Variants in PCID2 observed in about 807,000 individuals in gnomAD.
PCID2 encodes the protein PCI domain containing 2.
Under a neutral mutation model 61.3 loss-of-function variants are expected in PCID2, and 41 were observed. The ratio of observed to expected loss-of-function variants is 0.67; its 90% CI spans 0.52 to 0.87. The LOEUF is 0.87. Among genes scored for constraint, PCID2 ranks in the 40% least tolerant of loss-of-function variants. PCID2 has a pLI of 0.00. For missense variants in PCID2, 392 were observed against 493.4 expected, an observed-to-expected ratio of 0.79 and a Z score of 1.95; for synonymous variants, 187 against 177.8, an observed-to-expected ratio of 1.05 and a Z score of -0.41.
the PCID2 span, chr13:113,165,081 T>C: frequency 6.2e-7 from 1 of 1,613,056 alleles, no homozygotes; most frequent in Non-Finnish European, 8.5e-7. Flanking sequence ...TGCTGACCTC[T>C]GAGAAGCGTG....
chr13:113,174,124 GCTA>G (rs1209923775), downstream of PCID2, among the ~76,000 whole-genome samples: 2 of 151,608 alleles, frequency 1.3e-5, no homozygotes, highest in African/African-American at 4.9e-5. Context: ...TGTAATCCCA[GCTA>G]CTGAGGAGGC....
At chr13:113,174,347 T>C, downstream of PCID2, among the ~76,000 whole-genome samples, 1 of 152,052 alleles carries the variant, frequency 6.6e-6, no homozygotes, top group East Asian at 1.9e-4. Context: ...CAGAGAAAGC[T>C]ACAGGCCCAG....
intron 13 of PCID2, 186 bp from the exon 14 acceptor site, chr13:113,178,473 C>T: frequency 1.9e-6 from 1 of 517,498 alleles, no homozygotes; most frequent in Non-Finnish European, 3.5e-6. Context: ...GTTTCATATC[C>T]ATGAATCTAA....
chr13:113,174,253 C>G (rs868011425), downstream of PCID2, among the ~76,000 whole-genome samples: 5 of 148,680 alleles, frequency 3.4e-5, no homozygotes, highest in South Asian at 1.1e-3. Flanking sequence ...AAAAAAAAAA[C>G]CTACTTCAAA....
At chr13:113,191,379 A>G (rs989613365) in intron 6 of PCID2, among the ~76,000 whole-genome samples, 1 of 152,154 alleles carries the variant, frequency 6.6e-6, no homozygotes, top group African/African-American at 2.4e-5. Flanking sequence ...ATTAAGACTC[A>G]AAGTCCCGAA....
At chr13:113,185,626 A>G in intron 7 of PCID2, 66 bp from the exon 8 acceptor site, 2 of 1,000,648 alleles carry the variant, frequency 2.0e-6, no homozygotes, top group East Asian at 5.2e-5. Context: ...ATCACAAAAT[A>G]AACTGCCTAA....
At chr13:113,175,268 T>C (rs1306148726), downstream of PCID2, among the ~76,000 whole-genome samples, 3 of 152,116 alleles carry the variant, frequency 2.0e-5, no homozygotes, top group African/African-American at 7.2e-5. Context: ...TACACTGAGG[T>C]TGTTTCTTTC....
At chr13:113,195,747 C>T (rs1433356635) in intron 5 of PCID2, among the ~76,000 whole-genome samples, 2 of 151,912 alleles carry the variant, frequency 1.3e-5, no homozygotes, top group South Asian at 2.1e-4. Context: ...TCAGTATTAA[C>T]CTATAGTTTG....
intron 10 of PCID2, 60 bp downstream of exon 10, chr13:113,181,070 A>G (rs2037592425): frequency 8.9e-7 from 1 of 1,127,768 alleles, no homozygotes; most frequent in Non-Finnish European, 1.4e-6. Flanking sequence ...AAAAAAACCT[A>G]TCAGCTGTCA....
At chr13:113,171,941 G>A in the PCID2 span, 1 of 1,613,622 alleles carries the variant, frequency 6.2e-7, no homozygotes, top group Non-Finnish European at 8.5e-7. The surrounding 1 kb of genome is among the most constrained non-coding windows in gnomAD (Gnocchi z 5.1). Flanking sequence ...AAGCAGCGTG[G>A]CGGCCATGCA....
chr13:113,191,648 G>A (rs1413101626), intron 6 of PCID2, among the ~76,000 whole-genome samples: 3 of 152,030 alleles, frequency 2.0e-5, no homozygotes, highest in Non-Finnish European at 4.4e-5. Flanking sequence ...CTTTTCCCTC[G>A]CATTTGGGAG....
the PCID2 span, among the ~76,000 whole-genome samples, chr13:113,167,482 T>A: frequency 6.6e-6 from 1 of 152,242 alleles, no homozygotes; most frequent in South Asian, 2.1e-4. Flanking sequence ...GCACATGCTT[T>A]ATTTCATTTA....
At chr13:113,173,698 G>A (rs959932605), downstream of PCID2, among the ~76,000 whole-genome samples, 1 of 152,164 alleles carries the variant, frequency 6.6e-6, no homozygotes, top group Non-Finnish European at 1.5e-5. Flanking sequence ...CAAATTAATG[G>A]GGAGGGCAGT....
chr13:113,165,139 C>T, the PCID2 span: 4 of 1,604,538 alleles, frequency 2.5e-6, no homozygotes, highest in Non-Finnish European at 3.4e-6. Flanking sequence ...GCGCTCTCCG[C>T]GTGCTTCAAT....
At chr13:113,190,755 A>T in intron 7 of PCID2, 117 bp downstream of exon 7, 1 of 523,224 alleles carries the variant, frequency 1.9e-6, no homozygotes, top group Non-Finnish European at 3.4e-6. Context: ...TTGTGGGATT[A>T]TAGCATGTGT....
At position 113,185,393 on chromosome 13, in the gene PCID2, G is replaced by A. The variant is rs530255612; in HGVS notation, c.543+92C>T. The A allele has an allele frequency of 9.5e-4, 840 of 880,972 alleles. 7 individuals are homozygous for A. The highest frequency in any genetic ancestry group is 1.8e-3 in the Middle Eastern group (8 of 4,544). 54.6% of individuals were successfully genotyped at this position (880,972 alleles called of 1,614,324 possible). ...CGGTTATGATCATTTCACAAGCAAC[G>A]CCAGGGAGGCTAGCTGATATATATA... On this transcript the variant is annotated intron_variant, in intron 8 of 13. Transcript: ENST00000337344.
intron 6 of PCID2, 63 bp from the exon 7 acceptor site, chr13:113,191,038 G>T: frequency 8.3e-7 from 1 of 1,209,798 alleles, no homozygotes; most frequent in Non-Finnish European, 1.2e-6. Flanking sequence ...TGTCGTCCAG[G>T]CTGGACTGCA....
downstream of PCID2, among the ~76,000 whole-genome samples, chr13:113,173,866 A>T (rs2037151806): frequency 1.3e-5 from 2 of 152,216 alleles, no homozygotes; most frequent in Non-Finnish European, 2.9e-5. Context: ...ATGCTGCAGA[A>T]ATGTCTGCAA....
intron 13 of PCID2, 131 bp from the exon 14 acceptor site, chr13:113,178,418 C>T: frequency 1.6e-6 from 1 of 611,368 alleles, no homozygotes; most frequent in Non-Finnish European, 2.9e-6. Context: ...AGCGGGAAGA[C>T]AATGAGTAAA....
Sources: gnomAD v4.1 joint callset for allele counts (sites outside exome capture counted in the v4.1 genomes callset) on GRCh38, gnomAD v4.1.1 for gene constraint, Gnocchi (gnomAD v3.1) non-coding constraint, MANE v1.5 for transcripts, NCBI Gene and HGNC (gene_info 2026-07-23, HGNC 2026-07-21) for gene names.